Variants in CAMK2G observed in about 807,000 individuals in gnomAD.
CAMK2G encodes calcium/calmodulin-dependent protein kinase type II subunit gamma.
In CAMK2G, 23 loss-of-function variants were observed where a neutral mutation model predicts 88.7. The observed-to-expected ratio is 0.26, with a 90% CI of 0.19 to 0.37. The LOEUF (loss-of-function observed/expected upper bound fraction) is 0.37, where lower values mean the gene tolerates loss of function less well. Among genes scored for constraint, CAMK2G ranks in the 10% least tolerant of loss-of-function variants. The probability of loss-of-function intolerance (pLI) is 1.00; values close to 1 mark genes in which losing one functional copy is unlikely to be tolerated. For missense variants in CAMK2G, 476 were observed against 780.8 expected (o/e 0.61, Z 4.65); for synonymous variants, 263 against 294.8 (o/e 0.89, Z 1.11).
At chr10:73,822,644 G>C (rs2089367864) in intron 17 of CAMK2G, among the ~76,000 whole-genome samples, 1 of 151,932 alleles carries the variant, frequency 6.6e-6, no homozygotes, top group Admixed American at 6.6e-5. Context: ...CTCTCCTATG[G>C]TTCTCCCCGT....
intron 2 of CAMK2G, among the ~76,000 whole-genome samples, chr10:73,870,580 CT>C (rs2095792959): frequency 6.6e-6 from 1 of 152,180 alleles, no homozygotes. Context: ...CTCTTTTTAT[CT>C]TTTCAGTTTG....
Position 73,842,587 on chromosome 10 carries a change from G to T in CAMK2G, c.820-46C>A. 7.2e-7 allele frequency: 1 copy of T among 1,380,418 alleles called. No homozygotes were observed. Among genetic ancestry groups the T allele is most frequent in the Non-Finnish European group, 1.0e-6 (1 of 968,278 alleles). The allele number at this position is 1,380,418 out of a possible 1,614,324, so 85.5% of individuals were successfully genotyped here. A position where few individuals can be genotyped will look rare whatever the true frequency, so the allele number is the denominator to read the frequency against. On this transcript the variant is annotated intron_variant, in intron 10 of 22. Coordinates refer to ENST00000423381, the MANE Select transcript of CAMK2G (RefSeq NM_001367534.1). The surrounding 1 kb of genome is among the most constrained non-coding windows in gnomAD (Gnocchi z 4.6). ...CTATGAGCCCCAGCCCAGATCCTCT[G>T]CGCCTCCCACAGTCCTGGCACCGAT...
rs2084597527 is a variant in CAMK2G, at chr10:73,813,254, T to A, written c.*1264A>T. On this transcript the variant is annotated 3_prime_UTR_variant, in exon 23 of 23. Transcript: ENST00000423381. Reference sequence around the variant, plus strand: ...CTCTGGACACCTCTTTTGGGTTACATGCGGGGAGGGGTGATGCCCATGCAG... The same window carrying A: ...CTCTGGACACCTCTTTTGGGTTACAAGCGGGGAGGGGTGATGCCCATGCAG... 1 of 152,732 alleles carries A rather than the reference T, an allele frequency of 6.5e-6. No homozygotes were observed. Among genetic ancestry groups the A allele is most frequent in the African/African-American group, 2.4e-5 (1 of 41,466 alleles). 9.5% of individuals were successfully genotyped at this position (152,732 alleles called of 1,614,324 possible).
At chr10:73,864,264 T>C (rs1401399352) in intron 2 of CAMK2G, among the ~76,000 whole-genome samples, 4 of 151,322 alleles carry the variant, frequency 2.6e-5, no homozygotes, top group Non-Finnish European at 4.4e-5. Context: ...ATTGGGCCAC[T>C]ACACTCCAGC....
At chr10:73,826,912 C>A (rs1332852658) in intron 15 of CAMK2G, among the ~76,000 whole-genome samples, 2 of 152,188 alleles carry the variant, frequency 1.3e-5, no homozygotes, top group African/African-American at 4.8e-5. Flanking sequence ...CTCCACTGAA[C>A]AAGACTCCAC....
chr10:73,830,390 G>C lies in CAMK2G; in HGVS notation c.1054-2269C>G, dbSNP rs1270237997. On this transcript the variant is annotated intron_variant, in intron 14 of 22. Transcript: ENST00000423381. ...GGGCTCAAGGGATCTTCCTGCCTCA[G>C]CCACCTGAGTAGCTAGGACTACAGG... Among the ~76,000 whole-genome samples the C allele has an allele frequency of 4.6e-5, 7 of 152,232 alleles. No individual in the cohort carries two copies. In the East Asian group the frequency reaches 1.3e-3, roughly 29 times the overall value.
At chr10:73,823,711 T>C (rs1371296752) in intron 17 of CAMK2G, among the ~76,000 whole-genome samples, 1 of 152,198 alleles carries the variant, frequency 6.6e-6, no homozygotes, top group African/African-American at 2.4e-5. Flanking sequence ...GGTCTGGAGA[T>C]ACTCTTGCCT....
intron 19 of CAMK2G, chr10:73,818,472 G>A (rs1376261287): frequency 1.4e-5 from 5 of 349,442 alleles, no homozygotes; most frequent in Admixed American, 7.5e-5. Context: ...ATCCTAACCC[G>A]AGCCCTGGGC....
rs1401343407 is a variant in CAMK2G at position 73,839,346 on chromosome 10, T to C, written c.1009+193A>G. Among the ~76,000 whole-genome samples, 1 of 152,224 alleles carries C rather than the reference T, an allele frequency of 6.6e-6. No individual in the cohort carries two copies. The highest frequency in any genetic ancestry group is 2.4e-5 in the African/African-American group (1 of 41,468). ...CCTGAAAGTTGGCAAGCGCCCAGCA[T>C]GCATGGCTGGTTAGGGGGCTCCATA... is the stretch of plus-strand genomic sequence containing the variant. On this transcript the variant is annotated intron_variant, in intron 13 of 22. Coordinates refer to ENST00000423381, the MANE Select transcript of CAMK2G (RefSeq NM_001367534.1). This position sits in a 1 kb window ranked among gnomAD's most constrained non-coding sequence, Gnocchi z 4.2.
intron 18 of CAMK2G, among the ~76,000 whole-genome samples, chr10:73,820,484 ATATATATATTT>A (rs1169288356): frequency 4.2e-4 from 15 of 36,092 alleles, no homozygotes; most frequent in African/African-American, 1.8e-3. Flanking sequence ...ATATATATAT[ATATATATATTT>A]TTTTTTTTTT....
rs2093922744 is a variant in CAMK2G at position 73,842,928 on chromosome 10, C to T, written c.820-387G>A. On this transcript the variant is annotated intron_variant, in intron 10 of 22. Coordinates refer to ENST00000423381, the MANE Select transcript of CAMK2G (RefSeq NM_001367534.1). The surrounding 1 kb of genome is among the most constrained non-coding windows in gnomAD (Gnocchi z 4.6). ...CAGATGCTCAGCAGCGAGAGAACGG[C>T]AGGGTTCCTGCTCTCTACAGAGGAC... is the stretch of plus-strand genomic sequence containing the variant. 6.6e-6 allele frequency among the ~76,000 whole-genome samples: 1 copy of T among 152,130 alleles called. No homozygotes were observed. The highest frequency in any genetic ancestry group is 2.1e-4 in the South Asian group (1 of 4,826).
chr10:73,866,244 C>T (rs2095587069), intron 2 of CAMK2G, among the ~76,000 whole-genome samples: 2 of 152,122 alleles, frequency 1.3e-5, no homozygotes, highest in Admixed American at 6.5e-5. Flanking sequence ...ACCAGATGCA[C>T]CAGGGGAGGC....
chr10:73,843,255 G>T (rs760523243), intron 10 of CAMK2G, among the ~76,000 whole-genome samples: 2 of 152,070 alleles, frequency 1.3e-5, no homozygotes, highest in Admixed American at 6.5e-5. Context: ...GTAGAGACAG[G>T]GTTGGCCATG....
intron 5 of CAMK2G, among the ~76,000 whole-genome samples, chr10:73,849,964 T>A (rs2094503544): frequency 6.6e-6 from 1 of 152,172 alleles, no homozygotes; most frequent in Non-Finnish European, 1.5e-5. Flanking sequence ...GCACTTCTGA[T>A]GATTTTGCGT....
In CAMK2G at chr10:73,824,059, T is replaced by C. The variant is rs2090083855; in HGVS notation, c.1181A>G (p.Asn394Ser). ...ACTCACCTTGATCCCATCTGTAGCGTTGTGTACCACAGTGGTTTGTGGCTC... is the reference window on the plus strand; with the variant it reads ...ACTCACCTTGATCCCATCTGTAGCGCTGTGTACCACAGTGGTTTGTGGCTC... ...AMEPQTTVVH[N>S]ATDGIKGSTE... Residue 394 changes from asparagine (N) to serine (S), a missense_variant, in exon 17 of 23, where the codon AAC becomes AGC. Asn to Ser is a conservative substitution (Grantham distance 46). Coordinates refer to ENST00000423381, the MANE Select transcript of CAMK2G (RefSeq NM_001367534.1). The C allele has an allele frequency of 6.2e-7, 1 of 1,613,628 alleles. No individual in the cohort carries two copies.
At chr10:73,838,842 G>A (rs934722405) in intron 13 of CAMK2G, among the ~76,000 whole-genome samples, 5 of 152,118 alleles carry the variant, frequency 3.3e-5, no homozygotes, top group Admixed American at 3.3e-4. Context: ...TATCCCTAAG[G>A]GTCTGATTTT....
chr10:73,864,124 TGGATCA>T (rs2095494027), intron 2 of CAMK2G, among the ~76,000 whole-genome samples: 1 of 151,966 alleles, frequency 6.6e-6, no homozygotes, highest in Non-Finnish European at 1.5e-5. Context: ...CCAAGGTGGG[TGGATCA>T]CTTGAGGTCA....
chr10:73,843,197 G>A (rs1418281567), intron 10 of CAMK2G, among the ~76,000 whole-genome samples: 1 of 151,964 alleles, frequency 6.6e-6, no homozygotes, highest in African/African-American at 2.4e-5. Flanking sequence ...CCGAGTAGCT[G>A]GGACTACAGG....
At chr10:73,816,180 C>G in intron 21 of CAMK2G, 10 of 985,492 alleles carry the variant, frequency 1.0e-5, no homozygotes, top group Non-Finnish European at 1.2e-5. Context: ...GGTGATGATT[C>G]AGCTTCTTAT....
Sources: allele counts gnomAD v4.1 joint callset (sites outside exome capture counted in the v4.1 genomes callset), GRCh38; gene constraint gnomAD v4.1.1; non-coding constraint Gnocchi (gnomAD v3.1); transcripts MANE v1.5; gene names NCBI Gene and HGNC (gene_info 2026-07-23, HGNC 2026-07-21).